The following ARHGAP18 variants were observed in gnomAD, a reference collection of about 807,000 sequenced individuals.
The protein encoded by ARHGAP18 is Rho GTPase activating protein 18, also known as rho GTPase-activating protein 18.
ARHGAP18 carries 67 observed loss-of-function variants against 86.2 expected under a neutral mutation model. The ratio of observed to expected loss-of-function variants is 0.78; its 90% CI spans 0.64 to 0.95. The LOEUF (loss-of-function observed/expected upper bound fraction) is 0.95, where lower values mean the gene tolerates loss of function less well. Among genes scored for constraint, ARHGAP18 ranks in the 40% least tolerant of loss-of-function variants. The pLI is 0.00. For synonymous variants in ARHGAP18, 283 were observed against 280.4 expected (o/e 1.01, Z -0.09); for missense variants, 691 against 780.4 (o/e 0.89, Z 1.37).
intron 5 of ARHGAP18, among the ~76,000 whole-genome samples, chr6:129,620,825 A>C (rs1189821858): frequency 1.3e-5 from 2 of 152,216 alleles, no homozygotes; most frequent in East Asian, 3.8e-4. Context: ...AAAGTTCAGA[A>C]CTATTTTAAT....
chr6:129,618,235 T>C (rs1159398344), intron 6 of ARHGAP18, among the ~76,000 whole-genome samples: 1 of 152,158 alleles, frequency 6.6e-6, no homozygotes, highest in Non-Finnish European at 1.5e-5. Flanking sequence ...AAAATTAGAA[T>C]GTCCAGGAAC....
intron 1 of ARHGAP18, among the ~76,000 whole-genome samples, chr6:129,651,991 G>A (rs937616364): frequency 2.1e-4 from 32 of 152,306 alleles, no homozygotes; most frequent in African/African-American, 7.2e-4. Flanking sequence ...GGTGCCATCC[G>A]TGAGAAAGCC....
chr6:129,608,061 C>T lies in ARHGAP18; in HGVS notation c.1123-9G>A, dbSNP rs780146500. ...AGTTCTTGGCAAAGATTCTGATAGG[C>T]ACGAAAAAAAAAAAAAAAAAAAAAA... is the stretch of plus-strand genomic sequence containing the variant. On this transcript the variant is annotated splice_polypyrimidine_tract_variant and intron_variant, in intron 8 of 14. Coordinates refer to ENST00000368149, the MANE Select transcript of ARHGAP18 (RefSeq NM_033515.3). The T allele has an allele frequency of 1.3e-5, 9 of 704,490 alleles. No homozygotes were observed. In the East Asian group the frequency reaches 1.8e-4, roughly 14 times the overall value. 43.6% of individuals were successfully genotyped at this position (704,490 alleles called of 1,614,324 possible).
intron 8 of ARHGAP18, among the ~76,000 whole-genome samples, chr6:129,609,110 A>C (rs945838625): frequency 2.0e-5 from 3 of 151,420 alleles, no homozygotes; most frequent in African/African-American, 7.3e-5. Flanking sequence ...GAGGGGGGAA[A>C]GAATGAGCAG....
intron 14 of ARHGAP18, among the ~76,000 whole-genome samples, chr6:129,579,146 T>C (rs1788237475): frequency 6.6e-6 from 1 of 152,172 alleles, no homozygotes; most frequent in African/African-American, 2.4e-5. Flanking sequence ...AAATAGTTCC[T>C]TAAAAGCTTA....
chr6:129,620,471 A>G (rs1216195122), intron 5 of ARHGAP18, among the ~76,000 whole-genome samples: 2 of 152,222 alleles, frequency 1.3e-5, no homozygotes, highest in African/African-American at 2.4e-5. Flanking sequence ...CTCAAATATC[A>G]TCTTTTAATA....
intron 1 of ARHGAP18, among the ~76,000 whole-genome samples, chr6:129,643,835 T>C (rs2114501824): frequency 6.6e-6 from 1 of 152,302 alleles, no homozygotes; most frequent in Non-Finnish European, 1.5e-5. Flanking sequence ...TAATAGTACA[T>C]AAGGGAGAGG....
chr6:129,697,375 C>T (rs1035145939), intron 1 of ARHGAP18, among the ~76,000 whole-genome samples: 12 of 152,102 alleles, frequency 7.9e-5, no homozygotes, highest in African/African-American at 2.7e-4. Context: ...CTGAAACCAC[C>T]ACCTTCTCCT....
At chr6:129,684,364 G>A (rs901851933) in intron 1 of ARHGAP18, among the ~76,000 whole-genome samples, 2 of 152,216 alleles carry the variant, frequency 1.3e-5, no homozygotes, top group Non-Finnish European at 2.9e-5. Flanking sequence ...GCATGCCTAG[G>A]AATGTGCATG....
At chr6:129,686,906 T>G (rs951022490) in intron 1 of ARHGAP18, among the ~76,000 whole-genome samples, 1 of 148,828 alleles carries the variant, frequency 6.7e-6, no homozygotes, top group African/African-American at 2.5e-5. Context: ...TCCTCCTGCC[T>G]CAGCCTCCGG....
At chr6:129,607,512 G>A (rs978367894) in intron 9 of ARHGAP18, among the ~76,000 whole-genome samples, 1 of 152,114 alleles carries the variant, frequency 6.6e-6, no homozygotes, top group Non-Finnish European at 1.5e-5. Context: ...TATGATAACT[G>A]TTCATCCACA....
At chr6:129,668,407 C>CACACAG (rs1774083619) in intron 1 of ARHGAP18, among the ~76,000 whole-genome samples, 2 of 146,314 alleles carry the variant, frequency 1.4e-5, no homozygotes, top group Non-Finnish European at 3.1e-5. Context: ...CACAGACACA[C>CACACAG]ACACCATTAA....
chr6:129,653,426 T>C (rs1362453801), intron 1 of ARHGAP18, among the ~76,000 whole-genome samples: 2 of 152,240 alleles, frequency 1.3e-5, no homozygotes, highest in African/African-American at 4.8e-5. Flanking sequence ...AACATTACAA[T>C]GCTCCACTGG....
rs771807722 is a variant in ARHGAP18, at chr6:129,649,913, T to TG, written c.114-7896dup. Among the ~76,000 whole-genome samples, 6 of 130,560 alleles carry TG rather than the reference T, an allele frequency of 4.6e-5. No homozygotes were observed. The Admixed American group carries it at 4.6e-4, about 10-fold the overall frequency. The allele number at this position is 130,560 out of a possible 152,430, so 85.7% of individuals were successfully genotyped here. A position where few individuals can be genotyped will look rare whatever the true frequency, so the allele number is the denominator to read the frequency against. ...CACTCTACTTCGTCTTCTTTTTTTT[T>TG]GTTTTTTTTTTTTTTGGAGACGGAG... is the stretch of plus-strand genomic sequence containing the variant. On this transcript the variant is annotated intron_variant, in intron 1 of 14. Transcript: ENST00000368149.
In ARHGAP18 at chr6:129,618,674, A is replaced by G. The variant is rs1240358860; in HGVS notation, c.952+13T>C. 1 of 1,592,448 alleles carries G rather than the reference A, an allele frequency of 6.3e-7. No individual in the cohort carries two copies. The highest frequency in any genetic ancestry group is 1.1e-5 in the South Asian group (1 of 87,304). On this transcript the variant is annotated intron_variant, in intron 6 of 14. Coordinates refer to ENST00000368149, the MANE Select transcript of ARHGAP18 (RefSeq NM_033515.3). Reference sequence around the variant, plus strand: ...TTAGAAATAAATCCAAGGGTTTATCATTTCATGATTACCTTTTGTTTTGAT... The same window carrying G: ...TTAGAAATAAATCCAAGGGTTTATCGTTTCATGATTACCTTTTGTTTTGAT...
rs575803465 is a variant in ARHGAP18, at chr6:129,631,972, C to A, written c.616+2070G>T. On this transcript the variant is annotated intron_variant, in intron 4 of 14. Coordinates refer to ENST00000368149, the MANE Select transcript of ARHGAP18 (RefSeq NM_033515.3). ...ATTTGGAATGTGACAACCCTTGCAACTATAAAACTTAACAACCTTTTCATT... is the reference window on the plus strand; with the variant it reads ...ATTTGGAATGTGACAACCCTTGCAAATATAAAACTTAACAACCTTTTCATT... Among the ~76,000 whole-genome samples, 3 of 152,246 alleles carry A rather than the reference C, an allele frequency of 2.0e-5. No individual in the cohort carries two copies. In the South Asian group the frequency reaches 6.2e-4, roughly 32 times the overall value.
chr6:129,698,983 C>T (rs142268551), intron 1 of ARHGAP18, among the ~76,000 whole-genome samples: 111 of 151,822 alleles, frequency 7.3e-4, no homozygotes, highest in Middle Eastern at 3.4e-3. Context: ...ATGAGCCACA[C>T]GCCCGGCCTA....
chr6:129,698,971 G>T (rs534907226), intron 1 of ARHGAP18, among the ~76,000 whole-genome samples: 1 of 152,148 alleles, frequency 6.6e-6, no homozygotes, highest in Admixed American at 6.5e-5. Context: ...GGGATTACAG[G>T]CATGAGCCAC....
intron 4 of ARHGAP18, among the ~76,000 whole-genome samples, chr6:129,632,781 G>C (rs538186082): frequency 6.0e-4 from 91 of 152,230 alleles, no homozygotes; most frequent in African/African-American, 2.1e-3. Context: ...TAAGGCAGGG[G>C]TGCCAGAGAG....
Sources: gnomAD v4.1 joint callset for allele counts (sites outside exome capture counted in the v4.1 genomes callset) on GRCh38, gnomAD v4.1.1 for gene constraint, MANE v1.5 for transcripts, NCBI Gene and HGNC (gene_info 2026-07-23, HGNC 2026-07-21) for gene names.